Variants in ADGRA3 observed in about 807,000 individuals in gnomAD.
ADGRA3 encodes the protein G-protein coupled receptor 125.
A neutral mutation model predicts 119.8 loss-of-function variants in ADGRA3; 56 were observed. That is an observed-to-expected ratio of 0.47 (90% CI 0.38 to 0.58). The LOEUF is 0.58. Ranked by LOEUF, ADGRA3 falls within the 20% of genes least tolerant of loss-of-function variation. The probability of loss-of-function intolerance (pLI) is 0.00; values close to 1 mark genes in which losing one functional copy is unlikely to be tolerated. For synonymous variants in ADGRA3, 607 were observed against 623.8 expected, an observed-to-expected ratio of 0.97 and a Z score of 0.40; for missense variants, 1,516 against 1,649.0, an observed-to-expected ratio of 0.92 and a Z score of 1.40.
At chr4:22,514,745 T>C (rs1719577430) in intron 1 of ADGRA3, among the ~76,000 whole-genome samples, 1 of 152,144 alleles carries the variant, frequency 6.6e-6, no homozygotes, top group African/African-American at 2.4e-5. Flanking sequence ...TCAGCTAGAA[T>C]TGGCAAAACT....
At chr4:22,504,968 C>T (rs1305959199) in intron 1 of ADGRA3, among the ~76,000 whole-genome samples, 1 of 152,096 alleles carries the variant, frequency 6.6e-6, no homozygotes, top group Non-Finnish European at 1.5e-5. Flanking sequence ...AGGTTGAAAA[C>T]CTCAACCGCA....
intron 1 of ADGRA3, among the ~76,000 whole-genome samples, chr4:22,489,780 C>A (rs1023187702): frequency 6.6e-6 from 1 of 152,176 alleles, no homozygotes; most frequent in African/African-American, 2.4e-5. Flanking sequence ...CCTTCCCAAA[C>A]CATCTACAAT....
chr4:22,459,718 C>T (rs1375640787), intron 3 of ADGRA3, among the ~76,000 whole-genome samples: 2 of 151,990 alleles, frequency 1.3e-5, no homozygotes, highest in African/African-American at 2.4e-5. Context: ...AAAAACAAGA[C>T]ACAGAGCCCA....
chr4:22,442,846 G>A lies in ADGRA3; in HGVS notation c.724C>T (p.Pro242Ser). Residue 242 changes from proline (P) to serine (S), a missense_variant, in exon 7 of 19, where the codon CCG becomes TCG. This residue lies in a region of ADGRA3 where 428 missense variants were observed against 541.9 expected (regional missense o/e 0.79). Transcript: ENST00000334304. ...LLTCDPPLEL[P>S]SFYMTPSHRQ... ...TGAGATGGAGTCATGTAGAAAGACG[G>A]CAATTCAAGCGGAGGGTCTAGAGAC... 1.9e-6 allele frequency: 3 copies of A among 1,611,996 alleles called. No individual in the cohort carries two copies. Among genetic ancestry groups the A allele is most frequent in the Non-Finnish European group, 2.5e-6 (3 of 1,178,234 alleles).
At position 22,388,426 on chromosome 4, in the gene ADGRA3, G is replaced by C. The variant is rs117576731; in HGVS notation, c.3245C>G (p.Thr1082Arg). ...VNVQPPNSNG[T>R]NGEAPKCPNS... ...GGGGCATTTGGGTGCCTCTCCATTC[G>C]TCCCATTAGAGTTGGGGGGCTGGAC... The change falls in exon 19 of 19, where the codon ACG (threonine) becomes AGG (arginine). Residue 1082 changes from threonine (T) to arginine (R), a missense_variant. Transcript: ENST00000334304. 2 of 1,613,996 alleles carry C rather than the reference G, an allele frequency of 1.2e-6. No homozygotes were observed. Among genetic ancestry groups the C allele is most frequent in the African/African-American group, 1.3e-5 (1 of 75,002 alleles).
intron 14 of ADGRA3, among the ~76,000 whole-genome samples, chr4:22,411,106 A>C (rs964058490): frequency 6.6e-6 from 1 of 152,268 alleles, no homozygotes; most frequent in African/African-American, 2.4e-5. Context: ...GCAATATCAC[A>C]GCGAAGGCTT....
intron 4 of ADGRA3, among the ~76,000 whole-genome samples, chr4:22,448,737 A>G (rs1303247071): frequency 6.6e-6 from 1 of 152,198 alleles, no homozygotes; most frequent in East Asian, 1.9e-4. Flanking sequence ...TTCAGCAAGA[A>G]CAACACTGGA....
chr4:22,426,517 C>A (rs1260022305), intron 10 of ADGRA3, among the ~76,000 whole-genome samples: 2 of 152,138 alleles, frequency 1.3e-5, no homozygotes, highest in Non-Finnish European at 1.5e-5. Context: ...CCAATGTGAG[C>A]CAGACACTGG....
intron 4 of ADGRA3, among the ~76,000 whole-genome samples, chr4:22,450,885 A>G (rs1294068158): frequency 1.3e-5 from 2 of 150,448 alleles, no homozygotes; most frequent in Admixed American, 6.6e-5. Context: ...TGCCAGGTAC[A>G]GAGCATTTTT....
intron 7 of ADGRA3, among the ~76,000 whole-genome samples, chr4:22,439,855 C>CA (rs1323523161): frequency 2.6e-5 from 4 of 152,106 alleles, no homozygotes; most frequent in Admixed American, 6.6e-5. Flanking sequence ...CATGGTGCCC[C>CA]ACCCCAGCTC....
At chr4:22,398,970 C>T (rs1055412705) in intron 16 of ADGRA3, among the ~76,000 whole-genome samples, 23 of 152,146 alleles carry the variant, frequency 1.5e-4, no homozygotes, top group African/African-American at 4.1e-4. Flanking sequence ...AGGGGACGTC[C>T]GCTTACATTC....
At chr4:22,452,750 C>A (rs1027662872) in intron 4 of ADGRA3, among the ~76,000 whole-genome samples, 1 of 152,142 alleles carries the variant, frequency 6.6e-6, no homozygotes, top group African/African-American at 2.4e-5. Context: ...AATCCCTAGG[C>A]CAAAGCTAGA....
At chr4:22,508,254 T>C (rs1329294464) in intron 1 of ADGRA3, among the ~76,000 whole-genome samples, 4 of 152,166 alleles carry the variant, frequency 2.6e-5, no homozygotes, top group African/African-American at 9.7e-5. Context: ...TCGTAGCAGC[T>C]GAGTTGGGTA....
At chr4:22,503,319 C>T (rs889704871) in intron 1 of ADGRA3, among the ~76,000 whole-genome samples, 2 of 152,086 alleles carry the variant, frequency 1.3e-5, no homozygotes, top group Non-Finnish European at 2.9e-5. Context: ...GATGAATACA[C>T]CAGTAGTCAA....
intron 1 of ADGRA3, among the ~76,000 whole-genome samples, chr4:22,514,300 A>G (rs1478984302): frequency 6.6e-6 from 1 of 150,750 alleles, no homozygotes; most frequent in Non-Finnish European, 1.5e-5. Context: ...CCACATGGTA[A>G]CGTGTTAGTA....
intron 12 of ADGRA3, among the ~76,000 whole-genome samples, chr4:22,417,367 A>G (rs1715469953): frequency 6.6e-6 from 1 of 152,178 alleles, no homozygotes; most frequent in Non-Finnish European, 1.5e-5. Flanking sequence ...ATAGTCTAAC[A>G]AAGGAGAGAT....
chr4:22,434,721 T>C (rs1369091652), intron 10 of ADGRA3, among the ~76,000 whole-genome samples: 2 of 152,210 alleles, frequency 1.3e-5, no homozygotes, highest in African/African-American at 4.8e-5. Flanking sequence ...ACTGTGCTTG[T>C]CAATTTTTTT....
intron 1 of ADGRA3, among the ~76,000 whole-genome samples, chr4:22,489,341 C>T (rs544405571): frequency 6.0e-4 from 91 of 151,996 alleles, no homozygotes; most frequent in Non-Finnish European, 1.0e-3. Context: ...GATGAGATTT[C>T]GGTGGGAATA....
chr4:22,413,793 T>C lies in ADGRA3; in HGVS notation c.1831A>G (p.Ile611Val). ...GAGAAAAGGGAAGGAGGAAGCTGAA[T>C]AGAAGCCTCCACAATAGTATTCTGA... is the stretch of plus-strand genomic sequence containing the variant. ...ALKNTIVEAS[I>V]QLPPSLFSPK... Residue 611 changes from isoleucine (I) to valine (V), a missense_variant, in exon 13 of 19, where the codon ATT becomes GTT. Physicochemically the swap from Ile to Val is conservative, Grantham distance 29. This residue lies in a region of ADGRA3 where 1,088 missense variants were observed against 1,107.1 expected (regional missense o/e 0.98). Transcript: ENST00000334304. 6.2e-7 allele frequency: 1 copy of C among 1,612,750 alleles called. No homozygotes were observed. The highest frequency in any genetic ancestry group is 8.5e-7 in the Non-Finnish European group (1 of 1,179,176).
Sources: allele counts gnomAD v4.1 joint callset (sites outside exome capture counted in the v4.1 genomes callset), GRCh38; gene constraint gnomAD v4.1.1; regional missense constraint gnomAD v4.1.1; transcripts MANE v1.5; gene names NCBI Gene and HGNC (gene_info 2026-07-23, HGNC 2026-07-21).